The following SCGB2A1 variants were observed in gnomAD, a reference collection of about 807,000 sequenced individuals.
The protein encoded by SCGB2A1 is mammaglobin-B.
Under a neutral mutation model 9.2 loss-of-function variants are expected in SCGB2A1, and 6 were observed. That is an observed-to-expected ratio of 0.66 (90% confidence interval 0.36 to 1.29). The LOEUF is 1.29. Among genes scored for constraint, SCGB2A1 ranks in the 50% most tolerant of loss-of-function variants. The pLI is 0.03. For synonymous variants in SCGB2A1, 37 were observed against 41.0 expected, an observed-to-expected ratio of 0.90 and a Z score of 0.37; for missense variants, 138 against 116.9, an observed-to-expected ratio of 1.18 and a Z score of -0.83.
rs60357410 is a variant in SCGB2A1, at chr11:62,209,635, ATGTGTG to A, written c.56-740_56-735del. On this transcript the variant is annotated intron_variant, in intron 1 of 2. Coordinates refer to ENST00000244930, the MANE Select transcript of SCGB2A1 (RefSeq NM_002407.3). ...CATGAACAAGCTCTATTTCACATTC[ATGTGTG>A]TGTGTGTGTGTGTGTGTGTGTGTGT... is the stretch of plus-strand genomic sequence containing the variant. Among the ~76,000 whole-genome samples, 313 of 142,194 alleles carry A rather than the reference ATGTGTG, an allele frequency of 2.2e-3. 1 individual carries two copies. The highest frequency in any genetic ancestry group is 0.01 in the South Asian group (42 of 4,106). The allele number at this position is 142,194 out of a possible 152,430, so 93.3% of individuals were successfully genotyped here.
chr11:62,210,281 A>G (rs1944818065), intron 1 of SCGB2A1, 132 bp from the exon 2 acceptor site: 1 of 1,148,588 alleles, frequency 8.7e-7, no homozygotes, highest in Middle Eastern at 2.9e-4. Context: ...ACTGCACCAA[A>G]ATCTTTCTGA....
chr11:62,213,735 T>C lies in SCGB2A1; in HGVS notation c.253T>C (p.Tyr85His). 3 of 1,613,932 alleles carry C rather than the reference T, an allele frequency of 1.9e-6. No individual in the cohort carries two copies. The highest frequency in any genetic ancestry group is 2.5e-6 in the Non-Finnish European group (3 of 1,179,954). ...TGCTTTTGTTTTCCAGCATACAGTG[T>C]ACGACAGCATTTGGTGTAATATGAA... ...KNFGLMMHTV[Y>H]DSIWCNMKSN The change falls in exon 3 of 3, where the codon TAC becomes CAC. Residue 85 changes from tyrosine to histidine, a missense_variant. Tyr to His is a moderately conservative substitution (Grantham distance 83, BLOSUM62 2). Transcript: ENST00000244930.
rs1483401146 is a variant in SCGB2A1 at position 62,213,102 on chromosome 11, A to AT, written c.244-623dup. Among the ~76,000 whole-genome samples the AT allele has an allele frequency of 3.2e-3, 128 of 39,896 alleles. 3 individuals carry two copies. The highest frequency in any genetic ancestry group is 6.2e-3 in the East Asian group (4 of 646). 26.2% of individuals were successfully genotyped at this position (39,896 alleles called of 152,430 possible). A position where few individuals can be genotyped will look rare whatever the true frequency, so the allele number is the denominator to read the frequency against. ...TACACATATATACACATATATATAT[A>AT]TATATTTTTTTTTTTGTAGAGATGG... On this transcript the variant is annotated intron_variant, in intron 2 of 2. Coordinates refer to ENST00000244930, the MANE Select transcript of SCGB2A1 (RefSeq NM_002407.3).
rs1212513802 is a variant in SCGB2A1 at position 62,213,940 on chromosome 11, A to G, written c.*170A>G. 2.6e-5 allele frequency: 14 copies of G among 541,722 alleles called. No individual in the cohort carries two copies. The East Asian group carries it at 4.3e-4, about 17-fold the overall frequency. The allele number at this position is 541,722 out of a possible 1,614,324, so 33.6% of individuals were successfully genotyped here. On this transcript the variant is annotated 3_prime_UTR_variant, in exon 3 of 3. Coordinates refer to ENST00000244930, the MANE Select transcript of SCGB2A1 (RefSeq NM_002407.3). ...TTCAATAAACTAACTGCAAATCACT[A>G]AAATTCTTTCTTGTTCTTCTATAAA...
rs67975205 is a variant in SCGB2A1, at chr11:62,213,106, A to ATATATT, written c.244-619_244-618insATATTT. Among the ~76,000 whole-genome samples the ATATATT allele has an allele frequency of 3.8e-4, 44 of 116,232 alleles. 2 individuals carry two copies. The highest frequency in any genetic ancestry group is 1.2e-3 in the African/African-American group (36 of 29,080). The allele number at this position is 116,232 out of a possible 152,430, so 76.3% of individuals were successfully genotyped here. A position where few individuals can be genotyped will look rare whatever the true frequency, so the allele number is the denominator to read the frequency against. On this transcript the variant is annotated intron_variant, in intron 2 of 2. Transcript: ENST00000244930. ...CATATATACACATATATATATATATATTTTTTTTTTTGTAGAGATGGCATT... is the reference window on the plus strand; with the variant it reads ...CATATATACACATATATATATATATATATATTTTTTTTTTTTTGTAGAGATGGCATT...
At chr11:62,210,020 A>G (rs1300589085) in intron 1 of SCGB2A1, among the ~76,000 whole-genome samples, 1 of 152,152 alleles carries the variant, frequency 6.6e-6, no homozygotes, top group East Asian at 1.9e-4. Context: ...CTAATGGACA[A>G]TGTCCTAGAC....
intron 2 of SCGB2A1, among the ~76,000 whole-genome samples, chr11:62,211,918 T>C (rs549488862): frequency 1.3e-5 from 2 of 152,204 alleles, no homozygotes; most frequent in South Asian, 4.2e-4. Context: ...ACGAGTTTTG[T>C]TTTTTGTTTT....
At chr11:62,209,445 C>T (rs1590653894) in intron 1 of SCGB2A1, among the ~76,000 whole-genome samples, 2 of 152,178 alleles carry the variant, frequency 1.3e-5, no homozygotes, top group Non-Finnish European at 2.9e-5. Flanking sequence ...GGATTCCAAA[C>T]CCTACCGTAT....
rs894477172 is a variant in SCGB2A1, at chr11:62,208,723, C to A, written c.-9C>A. 6.2e-7 allele frequency: 1 copy of A among 1,613,530 alleles called. No individual in the cohort carries two copies. Reference sequence around the variant, plus strand: ...CGCACGACTGAACACAGACAGCAGCCGCCTCGCCATGAAGCTGCTGATGGT... The same window carrying A: ...CGCACGACTGAACACAGACAGCAGCAGCCTCGCCATGAAGCTGCTGATGGT... On this transcript the variant is annotated 5_prime_UTR_variant, in exon 1 of 3. Coordinates refer to ENST00000244930, the MANE Select transcript of SCGB2A1 (RefSeq NM_002407.3).
At chr11:62,213,289 TACA>T in intron 2 of SCGB2A1, 1 of 162,472 alleles carries the variant, frequency 6.2e-6, no homozygotes, top group Non-Finnish European at 1.3e-5. Flanking sequence ...CTCAGACTGT[TACA>T]ACATTTCTAC....
chr11:62,213,480 G>GA, intron 2 of SCGB2A1: 1 of 415,732 alleles, frequency 2.4e-6, no homozygotes, highest in Non-Finnish European at 4.3e-6. Flanking sequence ...AATTTTTGGA[G>GA]AAAAAAAGTA....
intron 2 of SCGB2A1, among the ~76,000 whole-genome samples, chr11:62,213,065 TATATAC>T (rs373751480): frequency 0.31 from 33,569 of 109,460 alleles, 6,209 homozygotes; most frequent in Middle Eastern, 0.5. Context: ...TATATACACA[TATATAC>T]ATATATACAC....
chr11:62,209,270 C>T (rs1944808681), intron 1 of SCGB2A1, among the ~76,000 whole-genome samples: 1 of 152,114 alleles, frequency 6.6e-6, no homozygotes, highest in Non-Finnish European at 1.5e-5. Flanking sequence ...TTCTGGGATG[C>T]CCTTACCCTC....
rs1450545853 is a variant in SCGB2A1, at chr11:62,208,748, T to C, written c.17T>C (p.Val6Ala). 9 of 1,613,674 alleles carry C rather than the reference T, an allele frequency of 5.6e-6. No individual in the cohort carries two copies. The highest frequency in any genetic ancestry group is 5.1e-6 in the Non-Finnish European group (6 of 1,179,922). Reference protein sequence around the residue: MKLLMVLMLAALLLHC... With the variant: MKLLMALMLAALLLHC... ...CGCCTCGCCATGAAGCTGCTGATGG[T>C]CCTCATGCTGGCGGCCCTCCTCCTG... The change falls in exon 1 of 3, where the codon GTC becomes GCC. Residue 6 changes from valine (V) to alanine (A), a missense_variant. Physicochemically the swap from Val to Ala is moderately conservative, Grantham distance 64. Coordinates refer to ENST00000244930, the MANE Select transcript of SCGB2A1 (RefSeq NM_002407.3).
At chr11:62,212,957 T>TACACACATATAC (rs113455333) in intron 2 of SCGB2A1, among the ~76,000 whole-genome samples, 5 of 78,546 alleles carry the variant, frequency 6.4e-5, no homozygotes, top group African/African-American at 1.7e-4. Context: ...CACACATATG[T>TACACACATATAC]ACACATATGT....
Position 62,213,468 on chromosome 11 carries a change from A to G in SCGB2A1, c.244-258A>G, listed in dbSNP as rs374074930. On this transcript the variant is annotated intron_variant, in intron 2 of 2. Transcript: ENST00000244930. ...TATTGGATAAGTTATTTCAAAGGAT[A>G]GAATTTTTGGAGAAAAAAAGTATTA... 1.1e-3 allele frequency: 452 copies of G among 400,018 alleles called. 9 individuals carry two copies. The South Asian group carries it at 0.023, about 20-fold the overall frequency. 24.8% of individuals were successfully genotyped at this position (400,018 alleles called of 1,614,324 possible).
Position 62,208,679 on chromosome 11 carries a change from A to G in SCGB2A1, c.-53A>G. 1.3e-6 allele frequency: 2 copies of G among 1,596,226 alleles called. No homozygotes were observed. Among genetic ancestry groups the G allele is most frequent in the South Asian group, 2.2e-5 (2 of 90,602 alleles). ...GGGCTGGGTACTCACCTCCACAGCA[A>G]CTTCCTTGATCCCTGCCACGCACGA... is the stretch of plus-strand genomic sequence containing the variant. On this transcript the variant is annotated 5_prime_UTR_variant, in exon 1 of 3. Coordinates refer to ENST00000244930, the MANE Select transcript of SCGB2A1 (RefSeq NM_002407.3).
intron 2 of SCGB2A1, among the ~76,000 whole-genome samples, chr11:62,212,911 T>C (rs1050033381): frequency 7.0e-6 from 1 of 143,766 alleles, no homozygotes; most frequent in Non-Finnish European, 1.5e-5. Flanking sequence ...TATATATACA[T>C]ATATATACAC....
At position 62,213,106 on chromosome 11, in the gene SCGB2A1, A is replaced by ATATATATATATTTT. The variant is rs67975205; in HGVS notation, c.244-619_244-618insATATATATATTTTT. ...CATATATACACATATATATATATAT[A>ATATATATATATTTT]TTTTTTTTTTTGTAGAGATGGCATT... On this transcript the variant is annotated intron_variant, in intron 2 of 2. Coordinates refer to ENST00000244930, the MANE Select transcript of SCGB2A1 (RefSeq NM_002407.3). Among the ~76,000 whole-genome samples, 1,137 of 116,144 alleles carry ATATATATATATTTT rather than the reference A, an allele frequency of 9.8e-3. 44 individuals are homozygous for ATATATATATATTTT. The highest frequency in any genetic ancestry group is 0.014 in the Non-Finnish European group (818 of 59,106). 76.2% of individuals were successfully genotyped at this position (116,144 alleles called of 152,430 possible).
Sources: allele counts gnomAD v4.1 joint callset (sites outside exome capture counted in the v4.1 genomes callset), GRCh38; gene constraint gnomAD v4.1.1; transcripts MANE v1.5; gene names NCBI Gene and HGNC (gene_info 2026-07-23, HGNC 2026-07-21).